TAB2: variants seen among roughly 807,000 people sequenced by gnomAD.
TAB2 encodes TGF-beta-activated kinase 1 and MAP3K7-binding protein 2.
In TAB2, 3 loss-of-function variants were observed where a neutral mutation model predicts 65.0. The ratio of observed to expected loss-of-function variants is 0.05; its 90% confidence interval spans 0.02 to 0.12. TAB2 has a LOEUF of 0.12. Among genes scored for constraint, TAB2 ranks in the 10% least tolerant of loss-of-function variants. TAB2 has a pLI of 1.00. For synonymous variants in TAB2, 298 were observed against 285.1 expected, an observed-to-expected ratio of 1.05 and a Z score of -0.46; for missense variants, 623 against 840.3, an observed-to-expected ratio of 0.74 and a Z score of 3.20.
At chr6:149,281,211 A>T (rs1778566479) in intron 1 of TAB2, among the ~76,000 whole-genome samples, 1 of 152,232 alleles carries the variant, frequency 6.6e-6, no homozygotes, top group South Asian at 2.1e-4. Context: ...TCATGTGAAA[A>T]ATATATAACA....
intron 1 of TAB2, among the ~76,000 whole-genome samples, chr6:149,224,353 C>T (rs1295502205): frequency 1.3e-5 from 2 of 152,152 alleles, no homozygotes; most frequent in African/African-American, 4.8e-5. Flanking sequence ...AACTTTTTAG[C>T]AAAAATTCAT....
chr6:149,286,582 T>G (rs919554735), intron 1 of TAB2, among the ~76,000 whole-genome samples: 5 of 152,202 alleles, frequency 3.3e-5, no homozygotes, highest in African/African-American at 9.6e-5. Flanking sequence ...CATTAATTCA[T>G]CTTCCAGAAA....
chr6:149,339,114 C>G (rs1780021706), intron 1 of TAB2, among the ~76,000 whole-genome samples: 1 of 152,094 alleles, frequency 6.6e-6, no homozygotes, highest in African/African-American at 2.4e-5. Context: ...GCCTGTAATC[C>G]CAGCCCTTTG....
Position 149,397,921 on chromosome 6 carries a change from T to A in TAB2, c.1765-48T>A, listed in dbSNP as rs781319112. 3.8e-6 allele frequency: 6 copies of A among 1,591,416 alleles called. No homozygotes were observed. In the Admixed American group the frequency reaches 8.4e-5, roughly 22 times the overall value. On this transcript the variant is annotated intron_variant, in intron 4 of 6. Transcript: ENST00000637181. ...CCAAACTCCATTCTTTATTAACTAATGACTAAGAATTCAGTGCAAATCTTA... is the reference window on the plus strand; with the variant it reads ...CCAAACTCCATTCTTTATTAACTAAAGACTAAGAATTCAGTGCAAATCTTA...
intron 1 of TAB2, among the ~76,000 whole-genome samples, chr6:149,248,066 TA>T (rs1205252971): frequency 1.3e-5 from 2 of 152,068 alleles, no homozygotes; most frequent in South Asian, 4.2e-4. Context: ...TCCTAGAACT[TA>T]AAGTAAAATA....
intron 1 of TAB2, among the ~76,000 whole-genome samples, chr6:149,339,305 G>C (rs192428245): frequency 6.6e-6 from 1 of 152,118 alleles, no homozygotes; most frequent in Admixed American, 6.5e-5. Context: ...AGAAGCGGAG[G>C]TTGCAGTGAG....
chr6:149,286,647 T>C (rs566273980), intron 1 of TAB2, among the ~76,000 whole-genome samples: 7 of 152,348 alleles, frequency 4.6e-5, no homozygotes, highest in Admixed American at 1.3e-4. Context: ...CGTTCATCAC[T>C]GCATTATCTA....
At chr6:149,327,920 A>G (rs1779666404) in intron 1 of TAB2, among the ~76,000 whole-genome samples, 1 of 152,190 alleles carries the variant, frequency 6.6e-6, no homozygotes, top group East Asian at 1.9e-4. Flanking sequence ...GGCCTGCATG[A>G]GACATACTCA....
At chr6:149,308,683 C>G (rs1029687660) in intron 1 of TAB2, among the ~76,000 whole-genome samples, 8 of 152,016 alleles carry the variant, frequency 5.3e-5, no homozygotes, top group African/African-American at 1.9e-4. Context: ...CATGTGCCAC[C>G]ACGCCTGACT....
At chr6:149,252,640 G>C (rs1777885111) in intron 1 of TAB2, among the ~76,000 whole-genome samples, 1 of 152,062 alleles carries the variant, frequency 6.6e-6, no homozygotes, top group Non-Finnish European at 1.5e-5. Flanking sequence ...TATTTATCTT[G>C]ATTAAATATC....
chr6:149,345,823 C>T (rs1245377353), intron 1 of TAB2, among the ~76,000 whole-genome samples: 1 of 151,974 alleles, frequency 6.6e-6, no homozygotes, highest in Admixed American at 6.6e-5. Context: ...ATGGAATCTG[C>T]ATCTTGATTT....
At chr6:149,312,967 G>T (rs1455960009), upstream of TAB2, among the ~76,000 whole-genome samples, 1 of 151,668 alleles carries the variant, frequency 6.6e-6, no homozygotes, top group Non-Finnish European at 1.5e-5. Flanking sequence ...CTGTAATTTT[G>T]TATCCGTTAT....
intron 1 of TAB2, among the ~76,000 whole-genome samples, chr6:149,322,516 A>C (rs1468491797): frequency 6.6e-6 from 1 of 152,156 alleles, no homozygotes; most frequent in Admixed American, 6.5e-5. Context: ...CTGGATAGAA[A>C]ATCGGAGTTT....
chr6:149,293,835 G>T (rs570554139), intron 1 of TAB2, among the ~76,000 whole-genome samples: 4 of 152,070 alleles, frequency 2.6e-5, no homozygotes, highest in Non-Finnish European at 5.9e-5. Flanking sequence ...CAGCTATTCT[G>T]CTATAACATA....
intron 1 of TAB2, among the ~76,000 whole-genome samples, chr6:149,329,292 G>C (rs139266264): frequency 6.6e-6 from 1 of 151,896 alleles, no homozygotes; most frequent in African/African-American, 2.4e-5. Context: ...CCAAATTAAG[G>C]CACTGATAAT....
chr6:149,243,038 A>G (rs1777631808), intron 1 of TAB2, among the ~76,000 whole-genome samples: 1 of 152,236 alleles, frequency 6.6e-6, no homozygotes, highest in South Asian at 2.1e-4. Context: ...CTAAAATGAG[A>G]GAAGGAATCG....
chr6:149,266,874 G>A (rs774462050), intron 1 of TAB2, among the ~76,000 whole-genome samples: 1 of 152,112 alleles, frequency 6.6e-6, no homozygotes, highest in Admixed American at 6.5e-5. Context: ...AGGGAGAAAC[G>A]AACATAAAGG....
At position 149,396,122 on chromosome 6, in the gene TAB2, A is replaced by G. The variant is rs527963541; in HGVS notation, c.1604-1482A>G. Among the ~76,000 whole-genome samples, 8 of 152,068 alleles carry G rather than the reference A, an allele frequency of 5.3e-5. 1 individual carries two copies. The highest frequency in any genetic ancestry group is 1.4e-4 in the African/African-American group (6 of 41,484). On this transcript the variant is annotated intron_variant, in intron 3 of 6. Coordinates refer to ENST00000637181, the MANE Select transcript of TAB2 (RefSeq NM_001292034.3). ...AACCTCTGCCTCCCGGGTTCAAGCA[A>G]TTCTCCTGCCTCAGCCTCCCAAGTA...
chr6:149,328,734 T>A (rs1019811282), intron 1 of TAB2, among the ~76,000 whole-genome samples: 2 of 152,112 alleles, frequency 1.3e-5, no homozygotes, highest in African/African-American at 4.8e-5. Flanking sequence ...TACAAACACA[T>A]GTGATATACT....
Sources: allele counts gnomAD v4.1 joint callset (sites outside exome capture counted in the v4.1 genomes callset), GRCh38; gene constraint gnomAD v4.1.1; transcripts MANE v1.5; gene names NCBI Gene and HGNC (gene_info 2026-07-23, HGNC 2026-07-21).